Variants in GRIP1 observed in about 807,000 individuals in gnomAD.
The protein encoded by GRIP1 is glutamate receptor-interacting protein 1.
In GRIP1, 45 loss-of-function variants were observed where a neutral mutation model predicts 129.9. That is an observed-to-expected ratio of 0.35 (90% CI 0.27 to 0.44). The LOEUF is 0.44. Ranked by LOEUF, GRIP1 falls within the 20% of genes least tolerant of loss-of-function variation. The pLI is 1.00. For synonymous variants in GRIP1, 530 were observed against 520.8 expected (o/e 1.02, Z -0.24); for missense variants, 1,196 against 1,396.8 (o/e 0.86, Z 2.29).
chr12:67,003,882 TCA>T (rs2073097272), intron 1 of GRIP1, among the ~76,000 whole-genome samples: 1 of 152,180 alleles, frequency 6.6e-6, no homozygotes, highest in South Asian at 2.1e-4. Context: ...CTTTATTCTC[TCA>T]CAGTTTTGGA....
chr12:66,495,645 C>T (rs11176233), intron 7 of GRIP1, among the ~76,000 whole-genome samples: 21,021 of 152,006 alleles, frequency 0.14, 1,841 homozygotes, highest in East Asian at 0.28. Context: ...TTACGTGAGC[C>T]CCCCACCCCC....
chr12:66,713,186 T>C (rs183829605), intron 1 of GRIP1, among the ~76,000 whole-genome samples: 2 of 152,096 alleles, frequency 1.3e-5, no homozygotes, highest in East Asian at 1.9e-4. Flanking sequence ...CCTTCTACTT[T>C]CTCAAAGTAG....
intron 1 of GRIP1, among the ~76,000 whole-genome samples, chr12:66,695,188 TG>T (rs1232515858): frequency 6.6e-6 from 1 of 152,096 alleles, no homozygotes; most frequent in African/African-American, 2.4e-5. Flanking sequence ...GGGCTGACCA[TG>T]TGTGAGGAGG....
At chr12:66,417,346 G>A (rs2057644070) in intron 15 of GRIP1, among the ~76,000 whole-genome samples, 2 of 152,064 alleles carry the variant, frequency 1.3e-5, no homozygotes, top group African/African-American at 4.8e-5. Context: ...TACTGAATGA[G>A]GAAAAACTAA....
At chr12:66,591,468 T>C (rs946376852) in intron 2 of GRIP1, among the ~76,000 whole-genome samples, 1 of 152,066 alleles carries the variant, frequency 6.6e-6, no homozygotes, top group Non-Finnish European at 1.5e-5. Context: ...AAGGTACTTA[T>C]CCCTTGGTAT....
chr12:66,723,194 T>C (rs1376330279), intron 1 of GRIP1, among the ~76,000 whole-genome samples: 2 of 139,666 alleles, frequency 1.4e-5, no homozygotes, highest in Non-Finnish European at 3.1e-5. Flanking sequence ...CTAGGGTTTT[T>C]CATCTTCTTT....
chr12:66,821,758 G>C (rs931614372), intron 1 of GRIP1, among the ~76,000 whole-genome samples: 1 of 152,154 alleles, frequency 6.6e-6, no homozygotes, highest in Non-Finnish European at 1.5e-5. Flanking sequence ...AAGTGACTTA[G>C]GAGGAAAAGG....
intron 7 of GRIP1, among the ~76,000 whole-genome samples, chr12:66,493,795 C>G (rs2060166685): frequency 6.6e-6 from 1 of 152,176 alleles, no homozygotes; most frequent in Non-Finnish European, 1.5e-5. Context: ...GATGGCACTG[C>G]AGGATCACTC....
intron 15 of GRIP1, among the ~76,000 whole-genome samples, chr12:66,417,785 G>A (rs1169739955): frequency 6.6e-6 from 1 of 152,042 alleles, no homozygotes; most frequent in African/African-American, 2.4e-5. Context: ...AGAAATTGAA[G>A]AGGACACAAA....
At position 66,630,975 on chromosome 12, in the gene GRIP1, C is replaced by T. The variant is rs568936362; in HGVS notation, c.56-34048G>A. Among the ~76,000 whole-genome samples the T allele has an allele frequency of 7.2e-5, 11 of 151,866 alleles. No individual in the cohort carries two copies. The South Asian group carries it at 2.3e-3, about 32-fold the overall frequency. On this transcript the variant is annotated intron_variant, in intron 1 of 24. Coordinates refer to ENST00000359742, the MANE Select transcript of GRIP1 (RefSeq NM_001366722.1). ...TTGGAGACAGAATTTCACTCTTATC[C>T]CCCAGGCTGGAGTGCAGTGGCATGA...
At chr12:66,387,386 T>C (rs2056401710) in intron 19 of GRIP1, among the ~76,000 whole-genome samples, 1 of 152,176 alleles carries the variant, frequency 6.6e-6, no homozygotes, top group African/African-American at 2.4e-5. Flanking sequence ...TGGGGAAGAA[T>C]TTACTCACAC....
intron 24 of GRIP1, among the ~76,000 whole-genome samples, chr12:66,352,217 A>T (rs577017006): frequency 6.5e-4 from 99 of 152,310 alleles, no homozygotes; most frequent in African/African-American, 2.4e-3. Flanking sequence ...TGTACTGCGA[A>T]CCAAGAAAGA....
intron 1 of GRIP1, among the ~76,000 whole-genome samples, chr12:66,778,843 C>T (rs2038069409): frequency 6.6e-6 from 1 of 152,154 alleles, no homozygotes; most frequent in Non-Finnish European, 1.5e-5. Context: ...AAAGGGGAAT[C>T]AATGGAAAGC....
intron 1 of GRIP1, among the ~76,000 whole-genome samples, chr12:66,999,775 T>C (rs528680274): frequency 2.0e-5 from 3 of 152,134 alleles, no homozygotes; most frequent in Admixed American, 6.6e-5. Flanking sequence ...GATATAATTA[T>C]ATATCATGGT....
At chr12:66,737,318 C>A (rs2036636961) in intron 1 of GRIP1, among the ~76,000 whole-genome samples, 1 of 152,182 alleles carries the variant, frequency 6.6e-6, no homozygotes, top group African/African-American at 2.4e-5. Flanking sequence ...GAGTCTCACT[C>A]TGTCACCTAG....
chr12:66,939,464 G>A (rs1370638878), intron 1 of GRIP1, among the ~76,000 whole-genome samples: 1 of 152,108 alleles, frequency 6.6e-6, no homozygotes, highest in Non-Finnish European at 1.5e-5. Context: ...AGCAGGAGAG[G>A]TAAGTATATA....
Position 66,649,627 on chromosome 12 carries a change from C to A in GRIP1, c.55+29223G>T, listed in dbSNP as rs770424107. On this transcript the variant is annotated intron_variant, in intron 1 of 24. Transcript: ENST00000359742. ...CAAGGAAAGGCATGCTAAATGCCATCGAGCATCCCCAAGAGTGGCTGAAAC... is the reference window on the plus strand; with the variant it reads ...CAAGGAAAGGCATGCTAAATGCCATAGAGCATCCCCAAGAGTGGCTGAAAC... Among the ~76,000 whole-genome samples, 6 of 152,146 alleles carry A rather than the reference C, an allele frequency of 3.9e-5. 1 individual carries two copies. The highest frequency in any genetic ancestry group is 8.8e-5 in the Non-Finnish European group (6 of 68,026).
At chr12:66,636,054 T>C (rs1415224915) in intron 1 of GRIP1, among the ~76,000 whole-genome samples, 1 of 152,208 alleles carries the variant, frequency 6.6e-6, no homozygotes, top group Non-Finnish European at 1.5e-5. Context: ...TGTTTACAAA[T>C]AATTTACAAT....
intron 1 of GRIP1, among the ~76,000 whole-genome samples, chr12:66,957,659 C>T (rs1308892971): frequency 6.6e-6 from 1 of 152,092 alleles, no homozygotes; most frequent in Non-Finnish European, 1.5e-5. Flanking sequence ...GTCATAGGTT[C>T]TGAAGAGTAA....
Sources: allele counts gnomAD v4.1 joint callset (sites outside exome capture counted in the v4.1 genomes callset), GRCh38; gene constraint gnomAD v4.1.1; transcripts MANE v1.5; gene names NCBI Gene and HGNC (gene_info 2026-07-23, HGNC 2026-07-21).